The following C9 variants were observed in gnomAD, a reference collection of about 807,000 sequenced individuals.
C9 encodes the protein complement C9.
Under a neutral mutation model 65.4 loss-of-function variants are expected in C9, and 63 were observed. The observed-to-expected ratio is 0.96, with a 90% CI of 0.79 to 1.19. The LOEUF (loss-of-function observed/expected upper bound fraction) is 1.19. C9 is among the 50% of genes most tolerant of loss of function. C9 has a pLI of 0.00. For synonymous variants in C9, 229 were observed against 227.9 expected, an observed-to-expected ratio of 1.00 and a Z score of -0.04; for missense variants, 744 against 670.1, an observed-to-expected ratio of 1.11 and a Z score of -1.22.
intron 9 of C9, among the ~76,000 whole-genome samples, chr5:39,300,055 C>G (rs1753254348): frequency 6.6e-6 from 1 of 152,022 alleles, no homozygotes; most frequent in African/African-American, 2.4e-5. Flanking sequence ...CTTTTATTCA[C>G]TGCTTTAGAC....
intron 9 of C9, among the ~76,000 whole-genome samples, chr5:39,303,328 A>C (rs1753315313): frequency 6.6e-6 from 1 of 152,058 alleles, no homozygotes; most frequent in Non-Finnish European, 1.5e-5. Flanking sequence ...TGTCCTCTGC[A>C]TGGAGAAAGG....
At chr5:39,325,403 G>A (rs1016914668) in intron 5 of C9, among the ~76,000 whole-genome samples, 10 of 152,136 alleles carry the variant, frequency 6.6e-5, no homozygotes, top group Non-Finnish European at 1.2e-4. Context: ...AAACGTTTGT[G>A]TGCTCTAGGA....
At position 39,328,263 on chromosome 5, in the gene C9, C is replaced by T. The variant is rs551895560; in HGVS notation, c.615+3413G>A. On this transcript the variant is annotated intron_variant, in intron 5 of 10. Coordinates refer to ENST00000263408, the MANE Select transcript of C9 (RefSeq NM_001737.5). ...AGCTCCTGCCTATGACTTGGGTATT[C>T]TCTGTCAAGTTGGAGCTAATGTCAT... Among the ~76,000 whole-genome samples the T allele has an allele frequency of 7.9e-5, 12 of 152,294 alleles. No homozygotes were observed. In the South Asian group the frequency reaches 2.5e-3, roughly 32 times the overall value.
intron 9 of C9, among the ~76,000 whole-genome samples, chr5:39,297,275 T>G (rs1753202636): frequency 6.6e-6 from 1 of 151,760 alleles, no homozygotes; most frequent in African/African-American, 2.4e-5. Context: ...CATAAGTATG[T>G]ACAATTCTTA....
intron 9 of C9, among the ~76,000 whole-genome samples, chr5:39,295,572 T>C (rs1753171455): frequency 6.6e-6 from 1 of 151,580 alleles, no homozygotes; most frequent in Non-Finnish European, 1.5e-5. Context: ...AGAAATCCCA[T>C]GCTCCAGGCT....
intron 1 of C9, among the ~76,000 whole-genome samples, chr5:39,345,934 G>A (rs558306436): frequency 5.3e-5 from 8 of 152,258 alleles, no homozygotes; most frequent in East Asian, 3.9e-4. Context: ...GGTACATAAC[G>A]AAATGAAGCC....
chr5:39,299,626 T>C (rs957458417), intron 9 of C9, among the ~76,000 whole-genome samples: 42 of 152,096 alleles, frequency 2.8e-4, no homozygotes, highest in Non-Finnish European at 4.4e-4. Context: ...ATTACATTTA[T>C]ATGGCAGTAA....
At chr5:39,305,998 T>C (rs2111874515) in intron 9 of C9, among the ~76,000 whole-genome samples, 1 of 151,896 alleles carries the variant, frequency 6.6e-6, no homozygotes, top group Middle Eastern at 3.4e-3. Context: ...CTGTCTCTAC[T>C]AAAAATACAA....
intron 10 of C9, among the ~76,000 whole-genome samples, chr5:39,286,005 C>CT (rs201098036): frequency 0.011 from 1,679 of 152,166 alleles, 34 homozygotes; most frequent in African/African-American, 0.038. Context: ...AAGAAAATGT[C>CT]TAATGTCTCA....
chr5:39,350,827 GA>G (rs1754309034), intron 1 of C9, among the ~76,000 whole-genome samples: 1 of 152,138 alleles, frequency 6.6e-6, no homozygotes. Context: ...CAAGTTGGTG[GA>G]TCTACCAATC....
chr5:39,320,348 G>C (rs973538129), intron 5 of C9, among the ~76,000 whole-genome samples: 3 of 152,068 alleles, frequency 2.0e-5, no homozygotes, highest in Non-Finnish European at 1.5e-5. Flanking sequence ...ACCAAATTTA[G>C]GGAGTTAAAG....
At chr5:39,340,356 C>A (rs571916482) in intron 4 of C9, among the ~76,000 whole-genome samples, 22 of 152,238 alleles carry the variant, frequency 1.4e-4, no homozygotes, top group African/African-American at 4.3e-4. Context: ...TCCAACAAAT[C>A]CACCTTTACC....
chr5:39,303,374 C>G lies in C9; in HGVS notation c.1416+3243G>C, dbSNP rs183301264. ...ATTTTTGGGCTGGGCCAAGACATTC[C>G]TCAAGAAGTGGTTTTGGGTTTGACA... On this transcript the variant is annotated intron_variant, in intron 9 of 10. Transcript: ENST00000263408. Among the ~76,000 whole-genome samples, 287 of 152,116 alleles carry G rather than the reference C, an allele frequency of 1.9e-3. 1 individual carries two copies. Among genetic ancestry groups the G allele is most frequent in the Non-Finnish European group, 2.5e-3 (167 of 67,980 alleles).
intron 5 of C9, among the ~76,000 whole-genome samples, chr5:39,318,888 T>C (rs1753620848): frequency 6.6e-6 from 1 of 152,224 alleles, no homozygotes; most frequent in Admixed American, 6.5e-5. Flanking sequence ...CTTTCTAATG[T>C]ATTTCTAATG....
chr5:39,311,532 C>G (rs900863519), intron 6 of C9, among the ~76,000 whole-genome samples, 155 bp from the exon 7 acceptor site: 1 of 152,262 alleles, frequency 6.6e-6, no homozygotes, highest in East Asian at 1.9e-4. Flanking sequence ...ATGTAAAATA[C>G]TATCAACACC....
At position 39,306,580 on chromosome 5, in the gene C9, A is replaced by T. The variant is rs754362863; in HGVS notation, c.1416+37T>A. On this transcript the variant is annotated intron_variant, in intron 9 of 10. Transcript: ENST00000263408. Reference sequence around the variant, plus strand: ...CAATGTGACATTTAATAAAAAAATGACACAGTCTTCTGTTTGAAAATAAAC... The same window carrying T: ...CAATGTGACATTTAATAAAAAAATGTCACAGTCTTCTGTTTGAAAATAAAC... The T allele has an allele frequency of 2.7e-6, 4 of 1,498,186 alleles. No homozygotes were observed. In the Admixed American group the frequency reaches 6.7e-5, roughly 25 times the overall value. The allele number at this position is 1,498,186 out of a possible 1,614,324, so 92.8% of individuals were successfully genotyped here. A position where few individuals can be genotyped will look rare whatever the true frequency, so the allele number is the denominator to read the frequency against.
intron 5 of C9, among the ~76,000 whole-genome samples, chr5:39,328,311 GGTGA>G (rs1753786308): frequency 1.3e-5 from 2 of 152,332 alleles, no homozygotes; most frequent in South Asian, 4.1e-4. Flanking sequence ...GGATCAAAAT[GGTGA>G]GTAAGAGTAA....
chr5:39,343,738 C>A (rs1437308159), intron 1 of C9, among the ~76,000 whole-genome samples: 1 of 152,180 alleles, frequency 6.6e-6, no homozygotes, highest in African/African-American at 2.4e-5. Flanking sequence ...CAAGTGGGAC[C>A]CTGATCCCCA....
chr5:39,317,107 G>T (rs987965120), intron 5 of C9, among the ~76,000 whole-genome samples: 1 of 152,134 alleles, frequency 6.6e-6, no homozygotes, highest in African/African-American at 2.4e-5. Flanking sequence ...GTGATGTTAA[G>T]CTTTTTTTCA....
Sources: gnomAD v4.1 joint callset for allele counts (sites outside exome capture counted in the v4.1 genomes callset) on GRCh38, gnomAD v4.1.1 for gene constraint, MANE v1.5 for transcripts, NCBI Gene and HGNC (gene_info 2026-07-23, HGNC 2026-07-21) for gene names.